SNAP25: variants seen among roughly 807,000 people sequenced by gnomAD.
SNAP25 encodes the protein synaptosome associated protein 25.
SNAP25 carries 3 observed loss-of-function variants against 28.7 expected under a neutral mutation model. The observed-to-expected ratio is 0.10, with a 90% CI of 0.05 to 0.27. The LOEUF (loss-of-function observed/expected upper bound fraction) is 0.27. SNAP25 is among the 10% of genes least tolerant of loss of function. The pLI is 1.00. For missense variants in SNAP25, 117 were observed against 278.7 expected, an observed-to-expected ratio of 0.42 and a Z score of 4.13; for synonymous variants, 61 against 88.1, an observed-to-expected ratio of 0.69 and a Z score of 1.72.
intron 3 of SNAP25, 131 bp from the exon 4 acceptor site, chr20:10,284,593 C>A: frequency 2.7e-6 from 2 of 732,904 alleles, no homozygotes; most frequent in African/African-American, 1.8e-5. Context: ...TCTTGTCATA[C>A]TTTCTCCCTT....
chr20:10,301,052 G>A (rs976660872), intron 7 of SNAP25, among the ~76,000 whole-genome samples: 1 of 152,142 alleles, frequency 6.6e-6, no homozygotes, highest in Non-Finnish European at 1.5e-5. Flanking sequence ...GCTAGATAAT[G>A]CATCAAAGCC....
At chr20:10,286,817 A>G (rs907823057) in intron 4 of SNAP25, among the ~76,000 whole-genome samples, 6 of 152,226 alleles carry the variant, frequency 3.9e-5, no homozygotes, top group African/African-American at 7.2e-5. Flanking sequence ...CAAAAGTTGT[A>G]CACAAATAAC....
chr20:10,243,844 G>T (rs191062023), intron 1 of SNAP25, among the ~76,000 whole-genome samples: 31 of 152,290 alleles, frequency 2.0e-4, no homozygotes, highest in African/African-American at 7.5e-4. Context: ...CACTGTCAAA[G>T]TATGGCGTGT....
intron 3 of SNAP25, among the ~76,000 whole-genome samples, chr20:10,282,301 G>A (rs73077417): frequency 5.9e-5 from 9 of 151,938 alleles, no homozygotes; most frequent in African/African-American, 1.9e-4. Flanking sequence ...AATCTTACTC[G>A]GCATCCCTAT....
At chr20:10,302,676 A>G (rs2064268343) in intron 7 of SNAP25, among the ~76,000 whole-genome samples, 1 of 152,242 alleles carries the variant, frequency 6.6e-6, no homozygotes, top group Non-Finnish European at 1.5e-5. Context: ...AAATATAAAA[A>G]TTGGAATGGG....
intron 1 of SNAP25, among the ~76,000 whole-genome samples, chr20:10,258,305 T>C (rs2063355446): frequency 6.6e-6 from 1 of 152,244 alleles, no homozygotes; most frequent in South Asian, 2.1e-4. Context: ...GAACCAGCTT[T>C]ACCATCTTGT....
At chr20:10,257,171 C>T (rs1015149092) in intron 1 of SNAP25, among the ~76,000 whole-genome samples, 1 of 152,082 alleles carries the variant, frequency 6.6e-6, no homozygotes, top group East Asian at 1.9e-4. Flanking sequence ...TAAATGCACC[C>T]CTCCAGATTT....
intron 7 of SNAP25, among the ~76,000 whole-genome samples, chr20:10,304,346 ATTT>A (rs2064305539): frequency 6.6e-6 from 1 of 152,166 alleles, no homozygotes; most frequent in African/African-American, 2.4e-5. Flanking sequence ...CAACATGGAG[ATTT>A]AGGGTGTCAA....
intron 4 of SNAP25, 66 bp downstream of exon 4, chr20:10,284,838 G>T (rs1256463573): frequency 7.7e-7 from 1 of 1,305,166 alleles, no homozygotes; most frequent in South Asian, 1.2e-5. Context: ...AAAATTATTT[G>T]TGCATACGCA....
At chr20:10,264,370 T>C (rs893726824) in intron 1 of SNAP25, among the ~76,000 whole-genome samples, 7 of 152,100 alleles carry the variant, frequency 4.6e-5, no homozygotes, top group African/African-American at 1.7e-4. Context: ...TTCTGGGAAA[T>C]AGATTAGCCA....
intron 6 of SNAP25, among the ~76,000 whole-genome samples, chr20:10,297,346 G>T (rs2064136081): frequency 6.6e-6 from 1 of 152,054 alleles, no homozygotes; most frequent in African/African-American, 2.4e-5. Context: ...TATTCCAAGG[G>T]GGCAAGCCTC....
intron 7 of SNAP25, among the ~76,000 whole-genome samples, chr20:10,304,819 A>G (rs182783442): frequency 6.6e-6 from 1 of 152,300 alleles, no homozygotes; most frequent in Non-Finnish European, 1.5e-5. Flanking sequence ...TTACTGCACT[A>G]TGCAATTTAC....
intron 2 of SNAP25, 138 bp from the exon 3 acceptor site, chr20:10,277,547 T>C (rs2063711804): frequency 1.5e-6 from 1 of 666,914 alleles, no homozygotes; most frequent in African/African-American, 1.8e-5. Context: ...ATGACATTTT[T>C]TGTTTCACTT....
At chr20:10,275,713 T>G (rs2063681149) in intron 2 of SNAP25, 150 bp downstream of exon 2, 3 of 556,504 alleles carry the variant, frequency 5.4e-6, no homozygotes, top group African/African-American at 1.9e-5. Flanking sequence ...CACCTAAGGC[T>G]TCTGTGGACC....
At chr20:10,271,050 C>T (rs539996251) in intron 1 of SNAP25, among the ~76,000 whole-genome samples, 8 of 152,280 alleles carry the variant, frequency 5.3e-5, no homozygotes, top group African/African-American at 1.9e-4. Flanking sequence ...ATCAGAGCCT[C>T]GGGGAATAGT....
rs762669574 is a variant in SNAP25 at position 10,293,422 on chromosome 20, A to C, written c.281+144A>C. ...ATACCGTCTCCAATGCATTCATCTCATAGCATAGATGATATTAGCAGGAGT... is the reference window on the plus strand; with the variant it reads ...ATACCGTCTCCAATGCATTCATCTCCTAGCATAGATGATATTAGCAGGAGT... On this transcript the variant is annotated intron_variant, in intron 5 of 7. Transcript: ENST00000254976. The surrounding 1 kb of genome is among the most constrained non-coding windows in gnomAD (Gnocchi z 5.6). 2.1e-4 allele frequency: 134 copies of C among 629,462 alleles called. No individual in the cohort carries two copies. The highest frequency in any genetic ancestry group is 3.5e-4 in the East Asian group (13 of 36,804). The allele number at this position is 629,462 out of a possible 1,614,324, so 39.0% of individuals were successfully genotyped here. A position where few individuals can be genotyped will look rare whatever the true frequency, so the allele number is the denominator to read the frequency against.
chr20:10,265,999 A>G (rs1272425014), intron 1 of SNAP25, among the ~76,000 whole-genome samples: 1 of 152,200 alleles, frequency 6.6e-6, no homozygotes, highest in East Asian at 1.9e-4. Flanking sequence ...CCCTAGTTTC[A>G]TATAAAGTTC....
rs527802407 is a variant in SNAP25, at chr20:10,307,269, T to A, written c.*1072T>A. 66 of 152,700 alleles carry A rather than the reference T, an allele frequency of 4.3e-4. No individual in the cohort carries two copies. The highest frequency in any genetic ancestry group is 3.4e-3 in the Middle Eastern group (1 of 292). 9.5% of individuals were successfully genotyped at this position (152,700 alleles called of 1,614,324 possible). On this transcript the variant is annotated 3_prime_UTR_variant, in exon 8 of 8. Transcript: ENST00000254976. ...TTTAGTAGCTGATAAAGAAACCTTT[T>A]AAAAAAATAATATAAATGAATGAAA... is the stretch of plus-strand genomic sequence containing the variant.
intron 1 of SNAP25, among the ~76,000 whole-genome samples, chr20:10,234,036 GAC>G (rs1254318318): frequency 6.6e-6 from 1 of 152,130 alleles, no homozygotes; most frequent in African/African-American, 2.4e-5. Context: ...TTTTGGATAT[GAC>G]AGGCTGGTAA....
Sources: gnomAD v4.1 joint callset for allele counts (sites outside exome capture counted in the v4.1 genomes callset) on GRCh38, gnomAD v4.1.1 for gene constraint, Gnocchi (gnomAD v3.1) non-coding constraint, MANE v1.5 for transcripts, NCBI Gene and HGNC (gene_info 2026-07-23, HGNC 2026-07-21) for gene names.